OSBPL8: variants seen among roughly 807,000 people sequenced by gnomAD.
OSBPL8 encodes oxysterol-binding protein-related protein 8.
A neutral mutation model predicts 125.5 loss-of-function variants in OSBPL8; 59 were observed. That is an observed-to-expected ratio of 0.47 (90% CI 0.38 to 0.58). The LOEUF is 0.58. OSBPL8 is among the 20% of genes least tolerant of loss of function. The pLI is 0.00. For synonymous variants in OSBPL8, 330 were observed against 338.9 expected (o/e 0.97, Z 0.29); for missense variants, 758 against 1,047.8 (o/e 0.72, Z 3.82).
intron 2 of OSBPL8, among the ~76,000 whole-genome samples, chr12:76,480,167 CAAAAAAAAAA>C (rs57582036): frequency 7.1e-5 from 4 of 56,386 alleles, no homozygotes; most frequent in Non-Finnish European, 1.2e-4. Flanking sequence ...AACTCCATCT[CAAAAAAAAAA>C]AAAAAAAAAA....
chr12:76,436,708 C>T (rs12821747), intron 4 of OSBPL8, among the ~76,000 whole-genome samples: 30,979 of 151,706 alleles, frequency 0.2, 3,394 homozygotes, highest in Non-Finnish European at 0.26. Context: ...TAGGAAAACA[C>T]GACAGAAACC....
intron 5 of OSBPL8, among the ~76,000 whole-genome samples, chr12:76,405,973 G>C (rs1437009495): frequency 6.6e-6 from 1 of 151,856 alleles, no homozygotes; most frequent in Non-Finnish European, 1.5e-5. Flanking sequence ...TACAGGCTCT[G>C]TGACTTTGAG....
intron 4 of OSBPL8, among the ~76,000 whole-genome samples, chr12:76,434,031 A>G (rs1592675634): frequency 6.6e-6 from 1 of 152,098 alleles, no homozygotes; most frequent in African/African-American, 2.4e-5. Flanking sequence ...AAAGACCCAG[A>G]ATAGCTAAAG....
intron 1 of OSBPL8, among the ~76,000 whole-genome samples, chr12:76,527,248 G>GT (rs1044686197): frequency 8.6e-5 from 13 of 150,794 alleles, no homozygotes; most frequent in African/African-American, 3.2e-4. Context: ...GTGGGCCGGG[G>GT]TGGGGGGGGA....
At chr12:76,424,031 C>T (rs563611208) in intron 4 of OSBPL8, among the ~76,000 whole-genome samples, 2 of 152,092 alleles carry the variant, frequency 1.3e-5, no homozygotes, top group East Asian at 3.9e-4. Flanking sequence ...GAGATGGAGT[C>T]TCACTGTCGC....
At chr12:76,421,917 T>C (rs1294657112) in intron 4 of OSBPL8, among the ~76,000 whole-genome samples, 2 of 151,972 alleles carry the variant, frequency 1.3e-5, no homozygotes, top group East Asian at 1.9e-4. Context: ...TAAATTTTCA[T>C]GATAAAAATT....
At chr12:76,503,413 T>C (rs1193090535) in intron 1 of OSBPL8, among the ~76,000 whole-genome samples, 1 of 152,250 alleles carries the variant, frequency 6.6e-6, no homozygotes, top group Non-Finnish European at 1.5e-5. Flanking sequence ...TCCACCCTAG[T>C]GACCTCATTT....
intron 21 of OSBPL8, among the ~76,000 whole-genome samples, chr12:76,362,352 T>A (rs955821187): frequency 6.6e-6 from 1 of 152,166 alleles, no homozygotes. Context: ...GTCGGTTTCA[T>A]CCTTGGGATG....
chr12:76,520,831 T>G (rs1381799075), intron 1 of OSBPL8, among the ~76,000 whole-genome samples: 1 of 152,194 alleles, frequency 6.6e-6, no homozygotes, highest in African/African-American at 2.4e-5. Flanking sequence ...GATTGACAAT[T>G]TGCATTTAAA....
At chr12:76,361,830 G>A (rs1244274591) in intron 21 of OSBPL8, among the ~76,000 whole-genome samples, 1 of 152,066 alleles carries the variant, frequency 6.6e-6, no homozygotes, top group Non-Finnish European at 1.5e-5. Flanking sequence ...ATCTCCCTCC[G>A]GGTCCCTCCC....
chr12:76,389,087 T>C (rs1197666563), intron 12 of OSBPL8, among the ~76,000 whole-genome samples: 1 of 152,020 alleles, frequency 6.6e-6, no homozygotes, highest in East Asian at 1.9e-4. Flanking sequence ...GGGACAGAGG[T>C]GGATAGCACC....
At chr12:76,506,127 A>AT (rs1880390735) in intron 1 of OSBPL8, among the ~76,000 whole-genome samples, 1 of 152,302 alleles carries the variant, frequency 6.6e-6, no homozygotes, top group Middle Eastern at 3.4e-3. Context: ...TAAGGTGTAA[A>AT]TTTTTTAAAA....
chr12:76,520,046 A>G (rs1299040363), intron 1 of OSBPL8, among the ~76,000 whole-genome samples: 1 of 151,956 alleles, frequency 6.6e-6, no homozygotes, highest in Non-Finnish European at 1.5e-5. Flanking sequence ...CCTCCCACAA[A>G]CCCTCCTATA....
chr12:76,516,539 T>G (rs553410745), intron 1 of OSBPL8, among the ~76,000 whole-genome samples: 3 of 152,210 alleles, frequency 2.0e-5, no homozygotes, highest in Admixed American at 6.5e-5. Flanking sequence ...GAGGAAAACT[T>G]TGCCTCCCTA....
At chr12:76,466,683 G>T (rs1395878171) in intron 2 of OSBPL8, among the ~76,000 whole-genome samples, 1 of 152,094 alleles carries the variant, frequency 6.6e-6, no homozygotes, top group African/African-American at 2.4e-5. Context: ...TCCAGGCTGG[G>T]CGCGGTGGCT....
chr12:76,371,360 CAGA>C (rs1282337047), intron 19 of OSBPL8, 85 bp downstream of exon 19: 15 of 1,364,190 alleles, frequency 1.1e-5, no homozygotes, highest in Non-Finnish European at 1.5e-5. Context: ...TAAGATATGA[CAGA>C]AGGTGACAAA....
chr12:76,384,131 G>A (rs1953186259), intron 15 of OSBPL8, 123 bp downstream of exon 15: 2 of 478,928 alleles, frequency 4.2e-6, no homozygotes. Flanking sequence ...ATTATTCAAG[G>A]AAAGATGATA....
At chr12:76,403,072 T>C (rs887235474) in intron 5 of OSBPL8, among the ~76,000 whole-genome samples, 6 of 152,158 alleles carry the variant, frequency 3.9e-5, no homozygotes, top group Non-Finnish European at 8.8e-5. Context: ...TTAGTTATTC[T>C]TAGCACAAAA....
intron 4 of OSBPL8, among the ~76,000 whole-genome samples, chr12:76,437,541 T>C (rs1871615772): frequency 6.6e-6 from 1 of 152,218 alleles, no homozygotes; most frequent in South Asian, 2.1e-4. Flanking sequence ...TCTCTGGATA[T>C]TAATCCTTTG....
Sources: gnomAD v4.1 joint callset for allele counts (sites outside exome capture counted in the v4.1 genomes callset) on GRCh38, gnomAD v4.1.1 for gene constraint, MANE v1.5 for transcripts, NCBI Gene and HGNC (gene_info 2026-07-23, HGNC 2026-07-21) for gene names.